LRMDA: variants seen among roughly 807,000 people sequenced by gnomAD.
LRMDA encodes the protein leucine-rich melanocyte differentiation-associated protein.
LRMDA carries 18 observed loss-of-function variants against 29.8 expected under a neutral mutation model. The observed-to-expected ratio is 0.60, with a 90% confidence interval of 0.42 to 0.90. LRMDA has a LOEUF of 0.90. LRMDA is among the 40% of genes least tolerant of loss of function. The probability of loss-of-function intolerance (pLI) is 0.00; values close to 1 mark genes in which losing one functional copy is unlikely to be tolerated. For missense variants in LRMDA, 273 were observed against 273.9 expected (o/e 1.00, Z 0.02); for synonymous variants, 125 against 109.4 (o/e 1.14, Z -0.89).
intron 2 of LRMDA, among the ~76,000 whole-genome samples, chr10:75,515,203 T>C (rs1175779984): frequency 1.3e-5 from 2 of 152,162 alleles, no homozygotes; most frequent in African/African-American, 4.8e-5. Context: ...AGATTAGTAG[T>C]TGCCAGGGGC....
chr10:76,464,090 TGTATTTTTA>T (rs1230057792), intron 6 of LRMDA, among the ~76,000 whole-genome samples: 1 of 151,876 alleles, frequency 6.6e-6, no homozygotes, highest in Non-Finnish European at 1.5e-5. Context: ...CAGCTAATTT[TGTATTTTTA>T]GTAGAGACAG....
chr10:76,167,825 A>G (rs2132187953), intron 5 of LRMDA, among the ~76,000 whole-genome samples: 1 of 152,280 alleles, frequency 6.6e-6, no homozygotes, highest in African/African-American at 2.4e-5. Context: ...CTAGCATTGA[A>G]TTTATAAATT....
intron 2 of LRMDA, among the ~76,000 whole-genome samples, chr10:75,731,024 G>A (rs1384996859): frequency 6.6e-6 from 1 of 152,178 alleles, no homozygotes; most frequent in Non-Finnish European, 1.5e-5. Context: ...AATGTGAAGG[G>A]AAGCTATAGG....
chr10:75,714,618 G>A (rs766570295), intron 2 of LRMDA, among the ~76,000 whole-genome samples: 1 of 152,184 alleles, frequency 6.6e-6, no homozygotes. Context: ...CCAGTTGGTG[G>A]CAGTCTCCCA....
intron 6 of LRMDA, among the ~76,000 whole-genome samples, chr10:76,461,051 C>T (rs187485197): frequency 9.9e-5 from 15 of 152,110 alleles, no homozygotes; most frequent in Non-Finnish European, 1.6e-4. Flanking sequence ...GGAAATTAAA[C>T]GAGTTTGTGC....
At chr10:75,659,590 T>G (rs1037582115) in intron 2 of LRMDA, among the ~76,000 whole-genome samples, 1 of 151,844 alleles carries the variant, frequency 6.6e-6, no homozygotes, top group Admixed American at 6.6e-5. Context: ...TCTAAAAGAG[T>G]CAAACTCCCA....
At chr10:76,300,146 A>C (rs1008938687) in intron 5 of LRMDA, among the ~76,000 whole-genome samples, 3 of 152,242 alleles carry the variant, frequency 2.0e-5, no homozygotes, top group Non-Finnish European at 2.9e-5. Context: ...TATATGACTA[A>C]CCATGTACCT....
At chr10:76,120,134 A>G (rs67338516) in intron 5 of LRMDA, among the ~76,000 whole-genome samples, 23,067 of 151,260 alleles carry the variant, frequency 0.15, 2,132 homozygotes, top group Admixed American at 0.23. Flanking sequence ...TGTATCTACT[A>G]TACATTCTTT....
chr10:76,314,650 G>C (rs2132383440), intron 5 of LRMDA, among the ~76,000 whole-genome samples: 1 of 152,318 alleles, frequency 6.6e-6, no homozygotes, highest in South Asian at 2.1e-4. Flanking sequence ...TAATTAAGAA[G>C]TGAGGAGTCT....
intron 2 of LRMDA, among the ~76,000 whole-genome samples, chr10:75,798,336 C>A (rs1191160983): frequency 1.3e-5 from 2 of 151,956 alleles, no homozygotes; most frequent in East Asian, 3.9e-4. Context: ...CCAACTTAAC[C>A]ACTTTTTGCT....
intron 2 of LRMDA, among the ~76,000 whole-genome samples, chr10:75,931,002 G>T (rs530999783): frequency 6.6e-6 from 1 of 152,140 alleles, no homozygotes; most frequent in African/African-American, 2.4e-5. Flanking sequence ...GTACTATTAG[G>T]CAAAGTTGCA....
chr10:75,832,227 T>C (rs888374648), intron 2 of LRMDA, among the ~76,000 whole-genome samples: 2 of 152,216 alleles, frequency 1.3e-5, no homozygotes, highest in Admixed American at 1.3e-4. Context: ...AAGTCACCTC[T>C]TGAAGGCTTT....
chr10:75,454,396 C>T (rs981172841), intron 2 of LRMDA, among the ~76,000 whole-genome samples: 4 of 152,208 alleles, frequency 2.6e-5, no homozygotes, highest in East Asian at 1.9e-4. Flanking sequence ...GCCTTGCATC[C>T]GAGGCAGCCT....
intron 5 of LRMDA, among the ~76,000 whole-genome samples, chr10:76,148,261 T>TTGTC (rs1231030110): frequency 6.6e-6 from 1 of 152,200 alleles, no homozygotes. Flanking sequence ...ATCTTTTTGT[T>TTGTC]TGTCTGTGCC....
intron 5 of LRMDA, among the ~76,000 whole-genome samples, chr10:76,089,625 A>C (rs560286357): frequency 6.6e-6 from 1 of 152,130 alleles, no homozygotes; most frequent in African/African-American, 2.4e-5. Context: ...GAACCCATTA[A>C]CTCAGAGAGA....
At chr10:76,337,007 A>G (rs1840977644) in intron 6 of LRMDA, among the ~76,000 whole-genome samples, 1 of 152,154 alleles carries the variant, frequency 6.6e-6, no homozygotes, top group Non-Finnish European at 1.5e-5. Flanking sequence ...ATAATGTTCA[A>G]ATCAGAAAAT....
At chr10:75,640,481 G>T (rs1345156280) in intron 2 of LRMDA, among the ~76,000 whole-genome samples, 1 of 152,184 alleles carries the variant, frequency 6.6e-6, no homozygotes, top group African/African-American at 2.4e-5. Flanking sequence ...CTGTGTATCT[G>T]TGTCTGAGTT....
intron 2 of LRMDA, among the ~76,000 whole-genome samples, chr10:75,875,489 A>G (rs975030454): frequency 6.6e-6 from 1 of 151,880 alleles, no homozygotes; most frequent in East Asian, 1.9e-4. Flanking sequence ...GATGGAGTGC[A>G]ATGGCATGAT....
At chr10:76,032,679 G>T (rs139984600) in intron 2 of LRMDA, among the ~76,000 whole-genome samples, 244 of 152,216 alleles carry the variant, frequency 1.6e-3, no homozygotes, top group African/African-American at 5.7e-3. Flanking sequence ...GCTGGTGGAG[G>T]GGGAGGCAGG....
Sources: allele counts gnomAD v4.1 joint callset (sites outside exome capture counted in the v4.1 genomes callset), GRCh38; gene constraint gnomAD v4.1.1; transcripts MANE v1.5; gene names NCBI Gene and HGNC (gene_info 2026-07-23, HGNC 2026-07-21).